The following PHC2 variants were observed in gnomAD, a reference collection of about 807,000 sequenced individuals.
PHC2 encodes polyhomeotic-like protein 2.
Under a neutral mutation model 87.4 loss-of-function variants are expected in PHC2, and 29 were observed. That is an observed-to-expected ratio of 0.33 (90% CI 0.25 to 0.45). The LOEUF is 0.45. Ranked by LOEUF, PHC2 falls within the 20% of genes least tolerant of loss-of-function variation. PHC2 has a pLI of 1.00. For missense variants in PHC2, 857 were observed against 1,136.7 expected (o/e 0.75, Z 3.54); for synonymous variants, 438 against 461.7 (o/e 0.95, Z 0.66).
chr1:33,400,031 T>TA (rs547094515), intron 1 of PHC2, among the ~76,000 whole-genome samples: 1,743 of 144,402 alleles, frequency 0.012, 47 homozygotes, highest in Admixed American at 0.062. Context: ...TTATTATTTG[T>TA]AAAAAAAAAA....
intron 1 of PHC2, among the ~76,000 whole-genome samples, chr1:33,410,013 TTAG>T (rs1438269422): frequency 6.6e-6 from 1 of 152,196 alleles, no homozygotes; most frequent in East Asian, 1.9e-4. Flanking sequence ...TGTTGAATAT[TTAG>T]TAGTTTTGTA....
chr1:33,341,708 A>C (rs991697086), intron 9 of PHC2, among the ~76,000 whole-genome samples: 2 of 152,256 alleles, frequency 1.3e-5, no homozygotes, highest in Non-Finnish European at 2.9e-5. Context: ...CACATTGATT[A>C]CGTGTGCGTC....
rs1646484890 is a variant in PHC2 at position 33,331,078 on chromosome 1, C to T, written c.2006+270G>A. Among the ~76,000 whole-genome samples the T allele has an allele frequency of 2.0e-5, 3 of 152,148 alleles. No individual in the cohort carries two copies. Among genetic ancestry groups the T allele is most frequent in the Admixed American group, 2.0e-4 (3 of 15,280 alleles). On this transcript the variant is annotated intron_variant, in intron 12 of 14. Coordinates refer to ENST00000683057, the MANE Select transcript of PHC2 (RefSeq NM_001385109.1). The surrounding 1 kb of genome is among the most constrained non-coding windows in gnomAD (Gnocchi z 5.2). ...CAGGGGCTGTCAATGCTAGGAAAGG[C>T]GAATGGGTGCCAGTGGAGCCCAGGA...
At chr1:33,404,950 G>A (rs1358598473) in intron 1 of PHC2, among the ~76,000 whole-genome samples, 1 of 152,136 alleles carries the variant, frequency 6.6e-6, no homozygotes, top group Non-Finnish European at 1.5e-5. Flanking sequence ...AACTTGGCAT[G>A]TTTAATGGCT....
intron 1 of PHC2, among the ~76,000 whole-genome samples, chr1:33,415,481 A>G (rs1051967084): frequency 6.6e-6 from 1 of 152,236 alleles, no homozygotes; most frequent in African/African-American, 2.4e-5. Context: ...AAAGCTTAGA[A>G]GCAACGTTTG....
chr1:33,330,413 G>C (rs1646464834), intron 12 of PHC2, among the ~76,000 whole-genome samples: 1 of 152,190 alleles, frequency 6.6e-6, no homozygotes, highest in South Asian at 2.1e-4. Flanking sequence ...TCTGGAGTTG[G>C]GGGTAATACC....
intron 1 of PHC2, among the ~76,000 whole-genome samples, chr1:33,425,873 T>C (rs1009698924): frequency 4.6e-5 from 7 of 152,346 alleles, no homozygotes; most frequent in Non-Finnish European, 5.9e-5. Context: ...ACCTGGTCCA[T>C]GTTGGGCATA....
intron 9 of PHC2, among the ~76,000 whole-genome samples, chr1:33,339,990 A>G (rs1214117344): frequency 6.6e-6 from 1 of 152,202 alleles, no homozygotes; most frequent in African/African-American, 2.4e-5. Context: ...CAGGTATTTC[A>G]GATGGCCTAG....
chr1:33,424,658 T>C (rs979337660), intron 1 of PHC2, among the ~76,000 whole-genome samples: 1 of 152,222 alleles, frequency 6.6e-6, no homozygotes, highest in Non-Finnish European at 1.5e-5. Context: ...TTATCTTCAG[T>C]TTAAATATTT....
chr1:33,332,671 C>T lies in PHC2; in HGVS notation c.1762-267G>A, dbSNP rs1646528223. 6.6e-6 allele frequency among the ~76,000 whole-genome samples: 1 copy of T among 152,128 alleles called. No individual in the cohort carries two copies. Among genetic ancestry groups the T allele is most frequent in the African/African-American group, 2.4e-5 (1 of 41,414 alleles). On this transcript the variant is annotated intron_variant, in intron 10 of 14. Coordinates refer to ENST00000683057, the MANE Select transcript of PHC2 (RefSeq NM_001385109.1). The surrounding 1 kb of genome is among the most constrained non-coding windows in gnomAD (Gnocchi z 4.2). ...TCAGGAGATTAGGAAAATGTCTATT[C>T]CAGTAAGAGTCTAAGGGCTGAGATC...
chr1:33,349,858 G>A lies in PHC2; in HGVS notation c.1558+4543C>T. The A allele has an allele frequency of 1.0e-6, 1 of 977,526 alleles. No homozygotes were observed. The highest frequency in any genetic ancestry group is 1.2e-6 in the Non-Finnish European group (1 of 825,840). The allele number at this position is 977,526 out of a possible 1,614,324, so 60.6% of individuals were successfully genotyped here. A position where few individuals can be genotyped will look rare whatever the true frequency, so the allele number is the denominator to read the frequency against. ...GGCGGCCGGGGTTGCGCGCGCGCGC[G>A]CGGCGGGCGCTCGAGGGCTGCAGCC... On this transcript the variant is annotated intron_variant, in intron 9 of 14. Coordinates refer to ENST00000683057, the MANE Select transcript of PHC2 (RefSeq NM_001385109.1). This position sits in a 1 kb window ranked among gnomAD's most constrained non-coding sequence, Gnocchi z 4.2.
At chr1:33,427,056 T>C (rs1214976346) in intron 1 of PHC2, among the ~76,000 whole-genome samples, 1 of 152,160 alleles carries the variant, frequency 6.6e-6, no homozygotes, top group Non-Finnish European at 1.5e-5. Context: ...AGCATGATCC[T>C]TCAGGAAAGC....
At chr1:33,407,463 A>G (rs1338250784) in intron 1 of PHC2, among the ~76,000 whole-genome samples, 1 of 152,190 alleles carries the variant, frequency 6.6e-6, no homozygotes. Context: ...ATCCTAGTCT[A>G]TCTATGTCAA....
intron 9 of PHC2, among the ~76,000 whole-genome samples, chr1:33,352,999 C>T (rs556409639): frequency 6.6e-6 from 1 of 152,296 alleles, no homozygotes; most frequent in African/African-American, 2.4e-5. Context: ...TCCTCCCTAC[C>T]GTAAAACATG....
In PHC2 at chr1:33,387,903, G is replaced by C. The variant is rs7542413; in HGVS notation, c.-54-12310C>G. On this transcript the variant is annotated intron_variant, in intron 1 of 14. Transcript: ENST00000683057. ...AAATGTGTCAACTAGAACTCTCTCA[G>C]GCCCTGCCTGGTATCCCTGAAATCA... 6.9e-4 allele frequency among the ~76,000 whole-genome samples: 105 copies of C among 152,286 alleles called. 1 individual carries two copies. Among genetic ancestry groups the C allele is most frequent in the African/African-American group, 2.4e-3 (100 of 41,526 alleles).
At chr1:33,374,191 C>G (rs1329619369) in intron 2 of PHC2, among the ~76,000 whole-genome samples, 1 of 152,114 alleles carries the variant, frequency 6.6e-6, no homozygotes, top group Non-Finnish European at 1.5e-5. Flanking sequence ...ATCCTGTGAC[C>G]CTTCCTCATG....
chr1:33,338,109 C>T (rs1570455611), intron 9 of PHC2, among the ~76,000 whole-genome samples: 1 of 152,290 alleles, frequency 6.6e-6, no homozygotes, highest in Admixed American at 6.5e-5. Context: ...CTGCCTCCAT[C>T]CCCCACTCCT....
rs948174580 is a variant in PHC2, at chr1:33,354,401, C to T, written c.1558G>A (p.Glu520Lys). Residue 520 changes from glutamate to lysine, a missense_variant and splice_region_variant, in exon 9 of 15, where the codon GAG becomes AAG. Physicochemically the swap from Glu to Lys is moderately conservative, Grantham distance 56. Coordinates refer to ENST00000683057, the MANE Select transcript of PHC2 (RefSeq NM_001385109.1). ...CCCAGGGCCCCACTGTGCTTCATAC[C>T]GTGAGCTGGGGACGGCTGGATGTTA... ...SPNIQPSPAH[E>K]TGQGIVHALT... The T allele has an allele frequency of 1.9e-6, 3 of 1,611,570 alleles. No individual in the cohort carries two copies. Among genetic ancestry groups the T allele is most frequent in the Admixed American group, 1.7e-5 (1 of 59,852 alleles).
chr1:33,342,442 A>G (rs76661632), intron 9 of PHC2, among the ~76,000 whole-genome samples: 1,577 of 152,254 alleles, frequency 0.01, 13 homozygotes, highest in Non-Finnish European at 0.017. Flanking sequence ...CATAAGCTGA[A>G]TTGTAAACAG....
Sources: gnomAD v4.1 joint callset for allele counts (sites outside exome capture counted in the v4.1 genomes callset) on GRCh38, gnomAD v4.1.1 for gene constraint, Gnocchi (gnomAD v3.1) non-coding constraint, MANE v1.5 for transcripts, NCBI Gene and HGNC (gene_info 2026-07-23, HGNC 2026-07-21) for gene names.